The following ZSCAN2 variants were observed in gnomAD, a reference collection of about 807,000 sequenced individuals.
The protein encoded by ZSCAN2 is zinc finger and SCAN domain-containing protein 2.
In ZSCAN2, 26 loss-of-function variants were observed where a neutral mutation model predicts 47.8. That is an observed-to-expected ratio of 0.54 (90% CI 0.40 to 0.75). ZSCAN2 has a LOEUF of 0.75. Ranked by LOEUF, ZSCAN2 falls within the 30% of genes least tolerant of loss-of-function variation. The pLI is 0.00. For missense variants in ZSCAN2, 732 were observed against 785.4 expected (o/e 0.93, Z 0.81); for synonymous variants, 305 against 288.7 (o/e 1.06, Z -0.57).
At chr15:84,607,186 C>A (rs530119051) in intron 2 of ZSCAN2, among the ~76,000 whole-genome samples, 1 of 152,230 alleles carries the variant, frequency 6.6e-6, no homozygotes, top group Non-Finnish European at 1.5e-5. Context: ...CTCTCCATAC[C>A]CAGCCCTAAT....
In ZSCAN2 at chr15:84,614,870, G is replaced by A. The variant is rs143576644; in HGVS notation, c.407-5732G>A. ...TTTGCTGTTGTCCACTGGTCTTACT[G>A]TTAGCCACCCTGGGTTAGTTTTTGT... On this transcript the variant is annotated intron_variant, in intron 2 of 2. Transcript: ENST00000546148. The A allele has an allele frequency of 2.0e-5, 3 of 152,256 alleles. No individual in the cohort carries two copies. The East Asian group carries it at 5.8e-4, about 29-fold the overall frequency. The allele number at this position is 152,256 out of a possible 1,614,324, so 9.4% of individuals were successfully genotyped here. A position where few individuals can be genotyped will look rare whatever the true frequency, so the allele number is the denominator to read the frequency against.
intron 2 of ZSCAN2, among the ~76,000 whole-genome samples, chr15:84,609,034 G>A (rs1895467092): frequency 6.6e-6 from 1 of 152,184 alleles, no homozygotes; most frequent in Non-Finnish European, 1.5e-5. Context: ...AAGAGTCACA[G>A]CTGACCTCTC....
chr15:84,613,647 C>T (rs1008693616), intron 2 of ZSCAN2, among the ~76,000 whole-genome samples: 1 of 150,974 alleles, frequency 6.6e-6, no homozygotes, highest in African/African-American at 2.4e-5. Context: ...GAGATAGTCC[C>T]TCTCCCCTCC....
Position 84,622,943 on chromosome 15 carries a change from G to T in ZSCAN2, c.*903G>T. ...GTAAAACAGTCCTGCACACAGCAGG[G>T]TGGGTTTGTGCCTTTGGCCCAACAG... On this transcript the variant is annotated 3_prime_UTR_variant, in exon 3 of 3. Transcript: ENST00000546148. 1 of 461,028 alleles carries T rather than the reference G, an allele frequency of 2.2e-6. No homozygotes were observed. Among genetic ancestry groups the T allele is most frequent in the Non-Finnish European group, 3.9e-6 (1 of 254,240 alleles). The allele number at this position is 461,028 out of a possible 1,614,324, so 28.6% of individuals were successfully genotyped here.
intron 2 of ZSCAN2, among the ~76,000 whole-genome samples, chr15:84,604,797 G>A (rs1895330369): frequency 6.7e-6 from 1 of 149,658 alleles, no homozygotes; most frequent in African/African-American, 2.5e-5. Context: ...GGGTGCAGTG[G>A]CACAATCTTG....
In ZSCAN2 at chr15:84,622,814, G is replaced by A; in HGVS notation, c.*774G>A. The stretch of plus-strand genomic sequence containing the variant: ...TGTCCTGTGGTAGATCAGCTACCAG[G>A]GGAACACATTTGTTCTCGTGGGGTT... On this transcript the variant is annotated 3_prime_UTR_variant, in exon 3 of 3. Transcript: ENST00000546148. 1.6e-6 allele frequency: 1 copy of A among 640,964 alleles called. No homozygotes were observed. The highest frequency in any genetic ancestry group is 1.9e-5 in the South Asian group (1 of 54,012). The allele number at this position is 640,964 out of a possible 1,614,324, so 39.7% of individuals were successfully genotyped here.
chr15:84,602,815 C>G (rs566496957), intron 1 of ZSCAN2, among the ~76,000 whole-genome samples: 1 of 152,034 alleles, frequency 6.6e-6, no homozygotes, highest in Admixed American at 6.6e-5. Context: ...TCTCGAACTC[C>G]TGACCTCAAG....
At chr15:84,608,932 A>T (rs1479564980) in intron 2 of ZSCAN2, among the ~76,000 whole-genome samples, 1 of 152,216 alleles carries the variant, frequency 6.6e-6, no homozygotes, top group African/African-American at 2.4e-5. Flanking sequence ...TCTCCAGGTG[A>T]TTCCTATGCT....
chr15:84,622,733 C>T lies in ZSCAN2; in HGVS notation c.*693C>T. 1.4e-6 allele frequency: 1 copy of T among 715,642 alleles called. No individual in the cohort carries two copies. The allele number at this position is 715,642 out of a possible 1,614,324, so 44.3% of individuals were successfully genotyped here. On this transcript the variant is annotated 3_prime_UTR_variant, in exon 3 of 3. Transcript: ENST00000546148. ...TCCATTGGTAAGAGTTGGACAGGGC[C>T]TTCAGGAAAGGGGTAAACCGAGGAC...
chr15:84,610,484 CT>C (rs1567008902), intron 2 of ZSCAN2, among the ~76,000 whole-genome samples: 1 of 123,940 alleles, frequency 8.1e-6, no homozygotes, highest in Non-Finnish European at 1.7e-5. Context: ...TTCTTTCTTT[CT>C]TTCTTTTTTT....
rs766714291 is a variant in ZSCAN2, at chr15:84,621,203, C to A, written c.1008C>A (p.Cys336Ter). ...ACACAGGAGAGAAACCCTACTCGTGCCCCGAGTGTGGAAAGAGCTTTGGCA... is the reference window on the plus strand; with the variant it reads ...ACACAGGAGAGAAACCCTACTCGTGACCCGAGTGTGGAAAGAGCTTTGGCA... ...RTHTGEKPYSCPECGKSFGNR... is the reference protein window; with the variant it reads ...RTHTGEKPYS The change falls in exon 3 of 3, where the codon TGC becomes TGA. Residue 336 changes from cysteine (C) to a stop codon, truncating the protein, a stop_gained. Coordinates refer to ENST00000546148, the MANE Select transcript of ZSCAN2 (RefSeq NM_181877.4). LOFTEE classifies it high-confidence loss of function. The surrounding 1 kb of genome is among the most constrained non-coding windows in gnomAD (Gnocchi z 5.7). 1.9e-6 allele frequency: 3 copies of A among 1,614,022 alleles called. No individual in the cohort carries two copies. The highest frequency in any genetic ancestry group is 2.2e-5 in the South Asian group (2 of 91,074).
At chr15:84,610,490 T>A (rs1192660073) in intron 2 of ZSCAN2, among the ~76,000 whole-genome samples, 4 of 143,624 alleles carry the variant, frequency 2.8e-5, no homozygotes, top group Non-Finnish European at 6.1e-5. Flanking sequence ...CTTTCTTTCT[T>A]TTTTTTTTTT....
rs138375096 is a variant in ZSCAN2, at chr15:84,621,773, C to T, written c.1578C>T (p.Gly526=). The change falls in exon 3 of 3, where the codon GGC becomes GGT. Residue 526 remains glycine, a synonymous_variant. Coordinates refer to ENST00000546148, the MANE Select transcript of ZSCAN2 (RefSeq NM_181877.4). The surrounding 1 kb of genome is among the most constrained non-coding windows in gnomAD (Gnocchi z 5.7). ...TAGTGCACCAGCGGACCCACACGGG[C>T]GAGAAGCCCTACAAATGCCTCATGT... ...QLVVHQRTHT[G]EKPYKCLMCG... 13 of 1,614,072 alleles carry T rather than the reference C, an allele frequency of 8.1e-6. No individual in the cohort carries two copies. Among genetic ancestry groups the T allele is most frequent in the African/African-American group, 4.0e-5 (3 of 74,986 alleles).
chr15:84,615,386 A>G (rs773720802), intron 2 of ZSCAN2, among the ~76,000 whole-genome samples: 51 of 152,168 alleles, frequency 3.4e-4, no homozygotes, highest in Non-Finnish European at 6.6e-4. Context: ...GCTGGAGTCC[A>G]GTGGTGCAAA....
At chr15:84,608,391 G>C (rs1895444870) in intron 2 of ZSCAN2, among the ~76,000 whole-genome samples, 1 of 152,022 alleles carries the variant, frequency 6.6e-6, no homozygotes, top group African/African-American at 2.4e-5. Context: ...AAATCAGCCA[G>C]GCATGGTGGC....
rs957039150 is a variant in ZSCAN2 at position 84,623,084 on chromosome 15, C to CATT, written c.*1060_*1062dup. 1.5e-4 allele frequency: 26 copies of CATT among 174,166 alleles called. No homozygotes were observed. The highest frequency in any genetic ancestry group is 9.1e-4 in the Admixed American group (14 of 15,462). The allele number at this position is 174,166 out of a possible 1,614,324, so 10.8% of individuals were successfully genotyped here. Reference sequence around the variant, plus strand: ...TCGGGTAGCTTTTGTATACTAAGAACATTATTATTATTATTATTTTTGAGA... The same window carrying CATT: ...TCGGGTAGCTTTTGTATACTAAGAACATTATTATTATTATTATTATTTTTGAGA... On this transcript the variant is annotated 3_prime_UTR_variant, in exon 3 of 3. Coordinates refer to ENST00000546148, the MANE Select transcript of ZSCAN2 (RefSeq NM_181877.4).
chr15:84,602,941 C>T (rs568861612), intron 1 of ZSCAN2, among the ~76,000 whole-genome samples: 2 of 152,192 alleles, frequency 1.3e-5, no homozygotes, highest in Admixed American at 6.5e-5. Context: ...ATTAGCCATT[C>T]CCTGCTGCTG....
intron 2 of ZSCAN2, among the ~76,000 whole-genome samples, chr15:84,618,985 G>A (rs1421942322): frequency 6.6e-6 from 1 of 152,148 alleles, no homozygotes; most frequent in Non-Finnish European, 1.5e-5. Flanking sequence ...TCAGCTCTCT[G>A]CTGCTTTGGC....
intron 2 of ZSCAN2, 42 bp from the exon 3 acceptor site, chr15:84,620,560 G>T: frequency 1.3e-6 from 2 of 1,494,576 alleles, no homozygotes; most frequent in South Asian, 1.3e-5. Flanking sequence ...CATCATGACA[G>T]GGAGTTGAGT....
Sources: allele counts gnomAD v4.1 joint callset (sites outside exome capture counted in the v4.1 genomes callset), GRCh38; gene constraint gnomAD v4.1.1; non-coding constraint Gnocchi (gnomAD v3.1); transcripts MANE v1.5; gene names NCBI Gene and HGNC (gene_info 2026-07-23, HGNC 2026-07-21).